Variants in SYCP2 observed in about 807,000 individuals in gnomAD.
The protein encoded by SYCP2 is synaptonemal complex lateral element protein.
Under a neutral mutation model 211.3 loss-of-function variants are expected in SYCP2, and 55 were observed. The observed-to-expected ratio is 0.26, with a 90% CI of 0.21 to 0.33. SYCP2 has a LOEUF of 0.33. Ranked by LOEUF, SYCP2 falls within the 10% of genes least tolerant of loss-of-function variation. The pLI is 1.00. For missense variants in SYCP2, 1,731 were observed against 1,752.0 expected, an observed-to-expected ratio of 0.99 and a Z score of 0.21; for synonymous variants, 570 against 555.2, an observed-to-expected ratio of 1.03 and a Z score of -0.37.
chr20:59,895,329 G>A, intron 20 of SYCP2, 108 bp downstream of exon 20: 1 of 899,076 alleles, frequency 1.1e-6, no homozygotes, highest in Non-Finnish European at 1.6e-6. Context: ...AAAAGGTAAT[G>A]CTTTAAACAA....
chr20:59,868,815 G>A lies in SYCP2; in HGVS notation c.3832+20C>T. 2 of 1,572,884 alleles carry A rather than the reference G, an allele frequency of 1.3e-6. No homozygotes were observed. The highest frequency in any genetic ancestry group is 1.7e-6 in the Non-Finnish European group (2 of 1,160,186). ...CATTTCAGTAATCATTTTTTAAAAA[G>A]CAAGACTATGACTACAAACCTGATA... On this transcript the variant is annotated intron_variant, in intron 37 of 44. Transcript: ENST00000357552.
chr20:59,922,261 C>T, intron 3 of SYCP2, 129 bp downstream of exon 3: 1 of 766,754 alleles, frequency 1.3e-6, no homozygotes, highest in Non-Finnish European at 2.0e-6. Flanking sequence ...TTTATTTAAA[C>T]TATTCTTGAC....
chr20:59,903,795 G>A (rs1331237495), intron 15 of SYCP2, among the ~76,000 whole-genome samples: 3 of 152,048 alleles, frequency 2.0e-5, no homozygotes, highest in Non-Finnish European at 4.4e-5. Flanking sequence ...AACTGGAGAG[G>A]GATGGCAACT....
At chr20:59,897,308 G>C (rs577254792) in intron 18 of SYCP2, among the ~76,000 whole-genome samples, 10 of 152,096 alleles carry the variant, frequency 6.6e-5, no homozygotes, top group Non-Finnish European at 1.5e-4. Flanking sequence ...TAAGATAAAA[G>C]AAAATTCTAA....
intron 36 of SYCP2, 28 bp downstream of exon 36, chr20:59,869,770 A>G: frequency 6.9e-7 from 1 of 1,456,526 alleles, no homozygotes; most frequent in Non-Finnish European, 9.5e-7. Flanking sequence ...GTGTAAGGAA[A>G]ATTTATAAGT....
chr20:59,911,034 A>G (rs939008378), intron 14 of SYCP2, among the ~76,000 whole-genome samples: 1 of 152,188 alleles, frequency 6.6e-6, no homozygotes, highest in Non-Finnish European at 1.5e-5. Flanking sequence ...GCAGGATTCT[A>G]TAAGAAACAG....
Position 59,871,089 on chromosome 20 carries a change from A to T in SYCP2, c.3556-1106T>A, listed in dbSNP as rs187837494. Among the ~76,000 whole-genome samples, 439 of 152,058 alleles carry T rather than the reference A, an allele frequency of 2.9e-3. 5 individuals are homozygous for T. The highest frequency in any genetic ancestry group is 0.01 in the African/African-American group (428 of 41,532). On this transcript the variant is annotated intron_variant, in intron 35 of 44. Transcript: ENST00000357552. The stretch of plus-strand genomic sequence containing the variant: ...CTGAAAATATACATACTAGGAAAAG[A>T]ATGTTTACATTATATACAACGAATA...
intron 2 of SYCP2, among the ~76,000 whole-genome samples, chr20:59,925,789 T>C (rs2060623469): frequency 6.6e-6 from 1 of 152,058 alleles, no homozygotes; most frequent in Admixed American, 6.6e-5. Flanking sequence ...TGCTCCCAAA[T>C]GCATGTAGGT....
chr20:59,864,104 T>C lies in SYCP2; in HGVS notation c.*207A>G, dbSNP rs2059283100. 1 of 354,134 alleles carries C rather than the reference T, an allele frequency of 2.8e-6. No homozygotes were observed. The allele number at this position is 354,134 out of a possible 1,614,324, so 21.9% of individuals were successfully genotyped here. A position where few individuals can be genotyped will look rare whatever the true frequency, so the allele number is the denominator to read the frequency against. ...TCCAAAATTAAAAAAAAATATTGTA[T>C]AGACAGAAGTCTTCTGGGCTTGGAC... On this transcript the variant is annotated 3_prime_UTR_variant, in exon 45 of 45. Transcript: ENST00000357552.
At chr20:59,889,390 A>G (rs569516844) in intron 24 of SYCP2, among the ~76,000 whole-genome samples, 1 of 151,924 alleles carries the variant, frequency 6.6e-6, no homozygotes, top group South Asian at 2.1e-4. Flanking sequence ...TCCAAAAATG[A>G]TTTTTTTTAA....
chr20:59,917,770 T>C (rs1473183236), intron 7 of SYCP2, among the ~76,000 whole-genome samples: 2 of 152,182 alleles, frequency 1.3e-5, no homozygotes, highest in East Asian at 3.8e-4. Flanking sequence ...ATCTGATTGC[T>C]TGGCACAAGC....
chr20:59,892,476 T>C (rs1352874387), intron 23 of SYCP2, 50 bp from the exon 24 acceptor site: 2 of 1,465,312 alleles, frequency 1.4e-6, no homozygotes, highest in African/African-American at 1.4e-5. Flanking sequence ...TAAGTTGACA[T>C]ATGTAAAATT....
chr20:59,913,773 C>G (rs143179135), intron 12 of SYCP2, among the ~76,000 whole-genome samples: 1 of 151,902 alleles, frequency 6.6e-6, no homozygotes, highest in African/African-American at 2.4e-5. Context: ...TAAAACAAGG[C>G]CAGTGCAGAA....
At chr20:59,870,351 T>C (rs568682760) in intron 35 of SYCP2, among the ~76,000 whole-genome samples, 1 of 151,998 alleles carries the variant, frequency 6.6e-6, no homozygotes, top group South Asian at 2.1e-4. Context: ...ACAATCATGA[T>C]AAAATTCAGC....
intron 18 of SYCP2, among the ~76,000 whole-genome samples, chr20:59,898,704 T>G (rs1202263718): frequency 6.6e-6 from 1 of 151,410 alleles, no homozygotes; most frequent in Non-Finnish European, 1.5e-5. Flanking sequence ...AGAACTTAAA[T>G]AAAAGACTTC....
rs541485902 is a variant in SYCP2, at chr20:59,906,970, G to T, written c.1033+394C>A. Among the ~76,000 whole-genome samples, 11 of 152,276 alleles carry T rather than the reference G, an allele frequency of 7.2e-5. No individual in the cohort carries two copies. In the South Asian group the frequency reaches 2.3e-3, roughly 32 times the overall value. ...GATATTATTACATGTCTATTGAAAT[G>T]ATAAAATATGTCTTAATATCTAAAT... On this transcript the variant is annotated intron_variant, in intron 15 of 44. Transcript: ENST00000357552.
intron 5 of SYCP2, among the ~76,000 whole-genome samples, chr20:59,920,102 A>G (rs1005790992): frequency 6.6e-6 from 1 of 151,744 alleles, no homozygotes; most frequent in African/African-American, 2.4e-5. Context: ...AAGTTAGATA[A>G]TAAGAGTTAA....
At chr20:59,916,939 G>A (rs2060454451) in intron 7 of SYCP2, among the ~76,000 whole-genome samples, 2 of 152,024 alleles carry the variant, frequency 1.3e-5, no homozygotes. Context: ...TAAATAAAGA[G>A]TTAGTGGAAA....
intron 2 of SYCP2, among the ~76,000 whole-genome samples, chr20:59,922,798 A>G (rs558461355): frequency 3.8e-4 from 58 of 151,810 alleles, no homozygotes; most frequent in Non-Finnish European, 6.5e-4. Context: ...CTCTGAGAAC[A>G]AGGAAAAAAA....
Sources: allele counts gnomAD v4.1 joint callset (sites outside exome capture counted in the v4.1 genomes callset), GRCh38; gene constraint gnomAD v4.1.1; transcripts MANE v1.5; gene names NCBI Gene and HGNC (gene_info 2026-07-23, HGNC 2026-07-21).